The following URB2 variants were observed in gnomAD, a reference collection of about 807,000 sequenced individuals.
URB2 encodes the protein URB2 ribosome biogenesis homolog.
In URB2, 86 loss-of-function variants were observed where a neutral mutation model predicts 120.9. The ratio of observed to expected loss-of-function variants is 0.71; its 90% CI spans 0.60 to 0.85. The LOEUF is 0.85. Among genes scored for constraint, URB2 ranks in the 40% least tolerant of loss-of-function variants. The probability of loss-of-function intolerance (pLI) is 0.00; values close to 1 mark genes in which losing one functional copy is unlikely to be tolerated. For missense variants in URB2, 1,765 were observed against 1,836.5 expected (o/e 0.96, Z 0.71); for synonymous variants, 755 against 758.4 (o/e 1.00, Z 0.07).
intron 2 of URB2, among the ~76,000 whole-genome samples, chr1:229,631,866 C>T (rs1260861694): frequency 1.3e-5 from 2 of 152,170 alleles, no homozygotes; most frequent in Non-Finnish European, 2.9e-5. Context: ...GAAGCAAGCA[C>T]ATGCTGTTGG....
chr1:229,658,819 T>C (rs1381921024), intron 9 of URB2, among the ~76,000 whole-genome samples: 1 of 152,248 alleles, frequency 6.6e-6, no homozygotes, highest in East Asian at 1.9e-4. Context: ...CATCATTTAC[T>C]GAACAGCAAA....
chr1:229,637,812 C>T lies in URB2; in HGVS notation c.3199C>T (p.Leu1067=). The T allele has an allele frequency of 1.2e-6, 2 of 1,611,788 alleles. No homozygotes were observed. The highest frequency in any genetic ancestry group is 1.7e-6 in the Non-Finnish European group (2 of 1,179,088). ...LVSLTRLCHV[L]GPFLKEQKLG... is the part of the protein sequence containing the mutation. ...GTCTTTAACCAGGTTGTGCCATGTC[C>T]TGGGACCTTTCCTCAAAGAGCAGAA... The change falls in exon 4 of 10, where the codon CTG becomes TTG. Residue 1067 remains leucine, a synonymous_variant. Transcript: ENST00000258243.
At chr1:229,644,562 T>A (rs1465691748) in intron 5 of URB2, among the ~76,000 whole-genome samples, 2 of 151,972 alleles carry the variant, frequency 1.3e-5, no homozygotes, top group Non-Finnish European at 2.9e-5. Flanking sequence ...GAGCAGGGGA[T>A]GTGCAAGAGT....
rs1168273362 is a variant in URB2, at chr1:229,647,409, G to T, written c.3907-101G>T. 6.3e-6 allele frequency: 9 copies of T among 1,426,024 alleles called. No individual in the cohort carries two copies. In the African/African-American group the frequency reaches 1.1e-4, roughly 18 times the overall value. The allele number at this position is 1,426,024 out of a possible 1,614,324, so 88.3% of individuals were successfully genotyped here. On this transcript the variant is annotated intron_variant, in intron 6 of 9. Coordinates refer to ENST00000258243, the MANE Select transcript of URB2 (RefSeq NM_014777.4). ...CCACGGACCACATCAATTCATTTTG[G>T]AGCACAGACATTTCTACCTCAGTCA...
rs150264101 is a variant in URB2 at position 229,657,138 on chromosome 1, A to G, written c.4378-1962A>G. 3.5e-3 allele frequency among the ~76,000 whole-genome samples: 528 copies of G among 152,366 alleles called. 4 individuals carry two copies. Among genetic ancestry groups the G allele is most frequent in the African/African-American group, 0.012 (509 of 41,582 alleles). ...GGAACCATCTGTATGGTGATAGCTT[A>G]GAATAAGTAGTTTGTGCTGCTCATC... On this transcript the variant is annotated intron_variant, in intron 9 of 9. Coordinates refer to ENST00000258243, the MANE Select transcript of URB2 (RefSeq NM_014777.4).
At position 229,627,580 on chromosome 1, in the gene URB2, A is replaced by G. The variant is rs576321326; in HGVS notation, c.-13-41A>G. On this transcript the variant is annotated intron_variant, in intron 1 of 9. Coordinates refer to ENST00000258243, the MANE Select transcript of URB2 (RefSeq NM_014777.4). ...TTTTCTGGTGCCTGCTCAGTCTGAC[A>G]TTGTTATAGTATTTTTTTTCCCATT... The G allele has an allele frequency of 8.7e-4, 1,389 of 1,592,858 alleles. 2 individuals carry two copies. Among genetic ancestry groups the G allele is most frequent in the Admixed American group, 2.1e-3 (120 of 57,440 alleles).
In URB2 at chr1:229,650,309, TC is replaced by T. The variant is rs371923181; in HGVS notation, c.4150-925del. Among the ~76,000 whole-genome samples the T allele has an allele frequency of 4.9e-4, 75 of 152,338 alleles. No individual in the cohort carries two copies. The Middle Eastern group carries it at 0.017, about 35-fold the overall frequency. ...AACTGAATATTTAATTTTATTTAATTCTAATTAATTTAAATGTAAGTAGTCA... is the reference window on the plus strand; with the variant it reads ...AACTGAATATTTAATTTTATTTAATTTAATTAATTTAAATGTAAGTAGTCA... On this transcript the variant is annotated intron_variant, in intron 7 of 9. Coordinates refer to ENST00000258243, the MANE Select transcript of URB2 (RefSeq NM_014777.4).
chr1:229,653,850 A>G (rs1324881159), intron 8 of URB2, among the ~76,000 whole-genome samples: 2 of 151,844 alleles, frequency 1.3e-5, no homozygotes, highest in Non-Finnish European at 2.9e-5. Context: ...TTTTTAAATC[A>G]TATGATGTCG....
In URB2 at chr1:229,635,322, A is replaced by T. The variant is rs570321211; in HGVS notation, c.709A>T (p.Ile237Phe). 3 of 1,614,148 alleles carry T rather than the reference A, an allele frequency of 1.9e-6. No individual in the cohort carries two copies. In the African/African-American group the frequency reaches 4.0e-5, roughly 22 times the overall value. The part of the protein sequence containing the change: ...QVLSRDIRSQ[I>F]EAMFRGGIFQ... ...GCTGAGCCGGGACATCAGGAGTCAG[A>T]TTGAGGCCATGTTCCGAGGAGGGAT... Residue 237 changes from isoleucine (I) to phenylalanine (F), a missense_variant, in exon 4 of 10, where the codon ATT (isoleucine) becomes TTT (phenylalanine). Physicochemically the swap from Ile to Phe is conservative, Grantham distance 21. Coordinates refer to ENST00000258243, the MANE Select transcript of URB2 (RefSeq NM_014777.4).
chr1:229,638,356 A>G, intron 4 of URB2, 109 bp downstream of exon 4: 1 of 1,309,206 alleles, frequency 7.6e-7, no homozygotes, highest in Non-Finnish European at 1.0e-6. Flanking sequence ...AAAAGGTACC[A>G]CATGTGCGGC....
rs114156610 is a variant in URB2 at position 229,637,326 on chromosome 1, C to G, written c.2713C>G (p.Gln905Glu). The G allele has an allele frequency of 6.2e-7, 1 of 1,614,208 alleles. No homozygotes were observed. The highest frequency in any genetic ancestry group is 1.3e-5 in the African/African-American group (1 of 75,042). Residue 905 changes from glutamine to glutamate, a missense_variant, in exon 4 of 10, where the codon CAG (glutamine) becomes GAG (glutamate). Gln to Glu is a conservative substitution (Grantham distance 29, BLOSUM62 2). Transcript: ENST00000258243. Reference protein sequence around the residue: ...LGLLEVISALQLDSLLPPYHV... With the variant: ...LGLLEVISALELDSLLPPYHV... ...GCTTTTGGAAGTGATTTCTGCCTTA[C>G]AGCTGGACAGCCTCTTGCCACCCTA... is the stretch of plus-strand genomic sequence containing the variant.
chr1:229,638,267 G>A lies in URB2; in HGVS notation c.3634+20G>A, dbSNP rs1286951092. 3.2e-6 allele frequency: 5 copies of A among 1,567,024 alleles called. No individual in the cohort carries two copies. The East Asian group carries it at 1.1e-4, about 35-fold the overall frequency. ...TTGCAGGTAAGATATTTTCTCTTGA[G>A]CTAATTCTGTGTTATAGAGGTCTGG... On this transcript the variant is annotated intron_variant, in intron 4 of 9. Coordinates refer to ENST00000258243, the MANE Select transcript of URB2 (RefSeq NM_014777.4).
At chr1:229,634,051 C>T (rs1358359591) in intron 3 of URB2, among the ~76,000 whole-genome samples, 1 of 151,996 alleles carries the variant, frequency 6.6e-6, no homozygotes, top group Admixed American at 6.6e-5. Context: ...AGGCTGTTCT[C>T]GAACGCCTGG....
In URB2 at chr1:229,627,717, T is replaced by A. The variant is rs760914797; in HGVS notation, c.84T>A (p.Phe28Leu). The part of the protein sequence containing the change: ...SWEDKLKLAH[F>L]AWISHQCFLP... ...AAGATAAACTAAAACTAGCTCACTT[T>A]GCTTGGATTTCTCACCAGTGCTTTC... Residue 28 changes from phenylalanine to leucine, a missense_variant, in exon 2 of 10, where the codon TTT becomes TTA. Phe to Leu is a conservative substitution (Grantham distance 22, BLOSUM62 0). Coordinates refer to ENST00000258243, the MANE Select transcript of URB2 (RefSeq NM_014777.4). 3.1e-6 allele frequency: 5 copies of A among 1,612,920 alleles called. No individual in the cohort carries two copies. The South Asian group carries it at 5.5e-5, about 18-fold the overall frequency.
intron 4 of URB2, among the ~76,000 whole-genome samples, chr1:229,640,427 GTTGTGGGGGGTC>G (rs1468085718): frequency 6.6e-6 from 1 of 152,220 alleles, no homozygotes; most frequent in Non-Finnish European, 1.5e-5. Flanking sequence ...ACACATCACA[GTTGTGGGGGGTC>G]TTTTCTTTTT....
chr1:229,652,346 T>C (rs887076905), intron 8 of URB2, among the ~76,000 whole-genome samples: 1 of 152,152 alleles, frequency 6.6e-6, no homozygotes, highest in Admixed American at 6.5e-5. Context: ...ACTCGGGGTG[T>C]CAGAGAAGAG....
chr1:229,657,762 A>G (rs1311453615), intron 9 of URB2, among the ~76,000 whole-genome samples: 1 of 152,266 alleles, frequency 6.6e-6, no homozygotes. Flanking sequence ...AAATTTCTGA[A>G]CTATTACATG....
rs1245737123 is a variant in URB2 at position 229,636,612 on chromosome 1, A to T, written c.1999A>T (p.Ser667Cys). 3.7e-6 allele frequency: 6 copies of T among 1,614,254 alleles called. No individual in the cohort carries two copies. The East Asian group carries it at 1.3e-4, about 36-fold the overall frequency. Residue 667 changes from serine to cysteine, a missense_variant, in exon 4 of 10, where the codon AGC (serine) becomes TGC (cysteine). Ser to Cys is a moderately radical substitution (Grantham distance 112). Coordinates refer to ENST00000258243, the MANE Select transcript of URB2 (RefSeq NM_014777.4). Reference sequence around the variant, plus strand: ...GATAGAGAAGTTTACAGCTCAGTTCAGCTCTCTTGGTACATATTGCTTAGA... The same window carrying T: ...GATAGAGAAGTTTACAGCTCAGTTCTGCTCTCTTGGTACATATTGCTTAGA... ...KKIEKFTAQF[S>C]SLGTYCLEQL...
chr1:229,658,178 AG>A (rs1336636209), intron 9 of URB2, among the ~76,000 whole-genome samples: 1 of 152,168 alleles, frequency 6.6e-6, no homozygotes, highest in Non-Finnish European at 1.5e-5. Flanking sequence ...TTTTAGTTTC[AG>A]TTACTAGGGT....
Sources: gnomAD v4.1 joint callset for allele counts (sites outside exome capture counted in the v4.1 genomes callset) on GRCh38, gnomAD v4.1.1 for gene constraint, MANE v1.5 for transcripts, NCBI Gene and HGNC (gene_info 2026-07-23, HGNC 2026-07-21) for gene names.